NEXN: variants seen among roughly 807,000 people sequenced by gnomAD.
NEXN encodes nexilin.
Under a neutral mutation model 92.6 loss-of-function variants are expected in NEXN, and 65 were observed. The ratio of observed to expected loss-of-function variants is 0.70; its 90% CI spans 0.57 to 0.86. NEXN has a LOEUF of 0.86. NEXN is among the 40% of genes least tolerant of loss of function. The probability of loss-of-function intolerance (pLI) is 0.00; values close to 1 mark genes in which losing one functional copy is unlikely to be tolerated. For synonymous variants in NEXN, 254 were observed against 242.5 expected, an observed-to-expected ratio of 1.05 and a Z score of -0.44; for missense variants, 778 against 771.1, an observed-to-expected ratio of 1.01 and a Z score of -0.11.
At chr1:77,938,429 T>A (rs549554280) in intron 11 of NEXN, among the ~76,000 whole-genome samples, 26 of 151,964 alleles carry the variant, frequency 1.7e-4, no homozygotes, top group African/African-American at 5.3e-4. Flanking sequence ...GGCGGGCGGA[T>A]CACCAGGTCA....
At chr1:77,899,674 AAAAT>A (rs773164812) in intron 1 of NEXN, among the ~76,000 whole-genome samples, 2 of 151,950 alleles carry the variant, frequency 1.3e-5, no homozygotes, top group Non-Finnish European at 2.9e-5. Context: ...AAAAAAATAA[AAAAT>A]AAAAAAACAA....
At position 77,943,128 on chromosome 1, in the gene NEXN, C is replaced by A. The variant is rs1034452255; in HGVS notation, c.*299C>A. The stretch of plus-strand genomic sequence containing the variant: ...TTATCGCCTATTATGCAGTAACAGT[C>A]AATAAAATGTACTTATGGGGGGGAA... On this transcript the variant is annotated 3_prime_UTR_variant, in exon 13 of 13. Transcript: ENST00000334785. 8.9e-5 allele frequency: 33 copies of A among 369,886 alleles called. No individual in the cohort carries two copies. Among genetic ancestry groups the A allele is most frequent in the Middle Eastern group, 1.8e-3 (2 of 1,100 alleles). 22.9% of individuals were successfully genotyped at this position (369,886 alleles called of 1,614,324 possible).
chr1:77,928,807 A>G (rs1160853560), intron 8 of NEXN, among the ~76,000 whole-genome samples: 1 of 152,198 alleles, frequency 6.6e-6, no homozygotes, highest in Non-Finnish European at 1.5e-5. Flanking sequence ...GTTAATACTC[A>G]ACAGTAACCC....
At chr1:77,896,017 A>G (rs1237494822) in intron 1 of NEXN, among the ~76,000 whole-genome samples, 1 of 151,854 alleles carries the variant, frequency 6.6e-6, no homozygotes, top group African/African-American at 2.4e-5. Flanking sequence ...CTGTACTAAA[A>G]AAAATTAGCC....
chr1:77,892,082 C>CA lies in NEXN; in HGVS notation c.-53+3335dup, dbSNP rs760743534. ...TAAGCAACAGAGTGAGGCTCTGTGT[C>CA]AAAAAAAAAAAAGACACTTTTAGCC... On this transcript the variant is annotated intron_variant, in intron 1 of 12. Coordinates refer to ENST00000334785, the MANE Select transcript of NEXN (RefSeq NM_144573.4). 0.018 allele frequency among the ~76,000 whole-genome samples: 2,413 copies of CA among 137,204 alleles called. 332 individuals are homozygous for CA. In the East Asian group the frequency reaches 0.36, roughly 21 times the overall value. The allele number at this position is 137,204 out of a possible 152,430, so 90.0% of individuals were successfully genotyped here. A position where few individuals can be genotyped will look rare whatever the true frequency, so the allele number is the denominator to read the frequency against.
intron 1 of NEXN, among the ~76,000 whole-genome samples, chr1:77,910,741 A>G (rs1168339261): frequency 1.2e-5 from 1 of 80,710 alleles, no homozygotes; most frequent in Non-Finnish European, 2.3e-5. Flanking sequence ...ACAGAGTGAG[A>G]CTGTCTCAAA....
At chr1:77,921,212 G>A (rs544637418) in intron 5 of NEXN, among the ~76,000 whole-genome samples, 1 of 152,210 alleles carries the variant, frequency 6.6e-6, no homozygotes, top group Admixed American at 6.5e-5. Context: ...TAGCCAGGAG[G>A]TGGTGGTGGG....
chr1:77,910,761 A>AACC (rs1553235529), intron 1 of NEXN, among the ~76,000 whole-genome samples: 3 of 125,022 alleles, frequency 2.4e-5, no homozygotes, highest in African/African-American at 8.7e-5. Flanking sequence ...AAAAAAAAAA[A>AACC]AAAAAAAAAA....
chr1:77,889,338 C>T (rs1373088121), intron 1 of NEXN: 2 of 149,234 alleles, frequency 1.3e-5, no homozygotes, highest in African/African-American at 2.5e-5. Context: ...CATATCCCCC[C>T]ACTCCTGTCT....
At chr1:77,898,540 C>A (rs918160388) in intron 1 of NEXN, among the ~76,000 whole-genome samples, 1 of 152,128 alleles carries the variant, frequency 6.6e-6, no homozygotes, top group African/African-American at 2.4e-5. Context: ...AAATGTTAGA[C>A]CTAAAAGCAT....
chr1:77,938,767 G>C (rs1651002897), intron 11 of NEXN, among the ~76,000 whole-genome samples: 1 of 152,120 alleles, frequency 6.6e-6, no homozygotes, highest in Non-Finnish European at 1.5e-5. Flanking sequence ...AATAAAAGTT[G>C]CAGGTAAAGA....
In NEXN at chr1:77,926,394, TTATC is replaced by T. The variant is rs760306418; in HGVS notation, c.490-16_490-13del. The stretch of plus-strand genomic sequence containing the variant: ...TTTTGATTAAGAAGAAATAGGCTAA[TTATC>T]TATTTTATAAAATAGGAAGGAGATG... On this transcript the variant is annotated splice_polypyrimidine_tract_variant and intron_variant, in intron 6 of 12. Coordinates refer to ENST00000334785, the MANE Select transcript of NEXN (RefSeq NM_144573.4). 3 of 1,533,500 alleles carry T rather than the reference TTATC, an allele frequency of 2.0e-6. No individual in the cohort carries two copies. Among genetic ancestry groups the T allele is most frequent in the South Asian group, 1.2e-5 (1 of 86,186 alleles). 95.0% of individuals were successfully genotyped at this position (1,533,500 alleles called of 1,614,324 possible).
intron 1 of NEXN, among the ~76,000 whole-genome samples, chr1:77,895,734 G>A (rs1015203180): frequency 2.0e-5 from 3 of 152,090 alleles, no homozygotes; most frequent in African/African-American, 7.2e-5. Flanking sequence ...GTGTGGTAGT[G>A]CACACCTGTA....
At chr1:77,912,087 A>C (rs541238553) in intron 1 of NEXN, among the ~76,000 whole-genome samples, 13 of 152,124 alleles carry the variant, frequency 8.5e-5, no homozygotes, top group Admixed American at 5.9e-4. Context: ...TCAAAAAAAA[A>C]AAAAAAAATC....
intron 9 of NEXN, among the ~76,000 whole-genome samples, 155 bp downstream of exon 9, chr1:77,929,659 C>T (rs987922650): frequency 2.6e-5 from 4 of 152,166 alleles, no homozygotes; most frequent in African/African-American, 9.7e-5. Context: ...TGGAATAACA[C>T]CAGTTGGTTG....
chr1:77,911,740 TA>T lies in NEXN; in HGVS notation c.-52-4314del, dbSNP rs1305699758. On this transcript the variant is annotated intron_variant, in intron 1 of 12. Coordinates refer to ENST00000334785, the MANE Select transcript of NEXN (RefSeq NM_144573.4). ...GTCCTATCCCCAAGATAGCCTGTTT[TA>T]TATATATATATATATATATACACAT... Among the ~76,000 whole-genome samples the T allele has an allele frequency of 3.8e-3, 32 of 8,380 alleles. No individual in the cohort carries two copies. In the East Asian group the frequency reaches 0.21, roughly 56 times the overall value. 5.5% of individuals were successfully genotyped at this position (8,380 alleles called of 152,430 possible).
At chr1:77,930,200 A>C (rs921476000) in intron 9 of NEXN, among the ~76,000 whole-genome samples, 13 of 152,206 alleles carry the variant, frequency 8.5e-5, no homozygotes, top group African/African-American at 2.9e-4. Flanking sequence ...TGTATGGGTG[A>C]GCATCACACA....
At chr1:77,907,923 T>C (rs1648245894) in intron 1 of NEXN, among the ~76,000 whole-genome samples, 1 of 152,136 alleles carries the variant, frequency 6.6e-6, no homozygotes, top group South Asian at 2.1e-4. Flanking sequence ...ATTCCAAGTT[T>C]TCCTCATACC....
chr1:77,905,237 C>T (rs1408792095), intron 1 of NEXN, among the ~76,000 whole-genome samples: 1 of 145,080 alleles, frequency 6.9e-6, no homozygotes, highest in Non-Finnish European at 1.5e-5. Flanking sequence ...CCAGCCTGGG[C>T]AGTGGAGTGA....
Sources: gnomAD v4.1 joint callset for allele counts (sites outside exome capture counted in the v4.1 genomes callset) on GRCh38, gnomAD v4.1.1 for gene constraint, MANE v1.5 for transcripts, NCBI Gene and HGNC (gene_info 2026-07-23, HGNC 2026-07-21) for gene names.